HERC2: variants seen among roughly 807,000 people sequenced by gnomAD.
HERC2 encodes E3 ubiquitin-protein ligase HERC2.
HERC2 carries 102 observed loss-of-function variants against 537.7 expected under a neutral mutation model. That is an observed-to-expected ratio of 0.19 (90% confidence interval 0.16 to 0.22). The LOEUF (loss-of-function observed/expected upper bound fraction) is 0.22, where lower values mean the gene tolerates loss of function less well. HERC2 is among the 10% of genes least tolerant of loss of function. The pLI is 1.00. For missense variants in HERC2, 4,236 were observed against 6,198.2 expected (o/e 0.68, Z 10.63); for synonymous variants, 2,224 against 2,466.2 (o/e 0.90, Z 2.91).
Position 28,213,620 on chromosome 15 carries a change from C to T in HERC2, c.6786+122G>A, listed in dbSNP as rs909763751. On this transcript the variant is annotated intron_variant, in intron 42 of 92. Transcript: ENST00000261609. ...ACCACAGAAGCACAAGCTCACACAG[C>T]TTCCTGGAAGGCAAACTTCAAGTAC... 8 of 1,538,346 alleles carry T rather than the reference C, an allele frequency of 5.2e-6. No homozygotes were observed. In the Admixed American group the frequency reaches 1.6e-4, roughly 30 times the overall value.
At chr15:28,269,910 T>C (rs1024032725) in intron 10 of HERC2, among the ~76,000 whole-genome samples, 2 of 152,236 alleles carry the variant, frequency 1.3e-5, no homozygotes, top group African/African-American at 4.8e-5. Context: ...CGTGCACACA[T>C]GGAGGACACA....
intron 4 of HERC2, among the ~76,000 whole-genome samples, chr15:28,288,959 T>C (rs1429182970): frequency 6.6e-6 from 1 of 151,916 alleles, no homozygotes; most frequent in Non-Finnish European, 1.5e-5. Flanking sequence ...TTATACCATG[T>C]TTCACTTGGA....
chr15:28,273,414 C>T (rs573350202), intron 7 of HERC2, among the ~76,000 whole-genome samples: 9 of 152,294 alleles, frequency 5.9e-5, no homozygotes, highest in African/African-American at 2.2e-4. Flanking sequence ...AATCTGGAGG[C>T]AAAATGTCAA....
At chr15:28,286,731 G>T (rs1488871487) in intron 4 of HERC2, among the ~76,000 whole-genome samples, 3 of 152,170 alleles carry the variant, frequency 2.0e-5, no homozygotes, top group African/African-American at 7.2e-5. Flanking sequence ...GATTTAGATA[G>T]TTACTAAGAG....
intron 88 of HERC2, 66 bp downstream of exon 88, chr15:28,116,599 G>T: frequency 7.2e-7 from 1 of 1,395,204 alleles, no homozygotes; most frequent in Non-Finnish European, 9.8e-7. Flanking sequence ...CAAACAGATA[G>T]TACATTTTAA....
At chr15:28,197,093 T>C (rs1414671304) in intron 50 of HERC2, among the ~76,000 whole-genome samples, 1 of 152,196 alleles carries the variant, frequency 6.6e-6, no homozygotes, top group Non-Finnish European at 1.5e-5. Context: ...CAAAGAAAAA[T>C]GTTTAAAGTA....
intron 45 of HERC2, chr15:28,203,358 T>C (rs1423972397): frequency 6.7e-6 from 1 of 149,652 alleles, no homozygotes; most frequent in African/African-American, 2.5e-5. Context: ...AGCCCCCCGG[T>C]GCTCAGGAAG....
intron 38 of HERC2, among the ~76,000 whole-genome samples, chr15:28,216,139 G>C (rs981664760): frequency 2.6e-5 from 4 of 151,954 alleles, no homozygotes; most frequent in African/African-American, 9.7e-5. Context: ...AACCTTCTAA[G>C]TATGTGTAGT....
chr15:28,186,530 G>A (rs1896323829), intron 56 of HERC2, 47 bp downstream of exon 56: 1 of 1,504,930 alleles, frequency 6.6e-7, no homozygotes, highest in East Asian at 2.3e-5. Context: ...TGAGGATCCA[G>A]GAATGTAGCG....
rs767056818 is a variant in HERC2, at chr15:28,257,041, A to G, written c.2517+20T>C. 3 of 1,600,706 alleles carry G rather than the reference A, an allele frequency of 1.9e-6. No individual in the cohort carries two copies. The South Asian group carries it at 3.3e-5, about 18-fold the overall frequency. On this transcript the variant is annotated intron_variant, in intron 17 of 92. Coordinates refer to ENST00000261609, the MANE Select transcript of HERC2 (RefSeq NM_004667.6). ...TAAGACACTTACAAAAGGAGGAAGAAGAAGGGAAATCATGAATACCTGAAG... is the reference window on the plus strand; with the variant it reads ...TAAGACACTTACAAAAGGAGGAAGAGGAAGGGAAATCATGAATACCTGAAG...
rs368370323 is a variant in HERC2, at chr15:28,220,413, T to C, written c.5845+39A>G. 1.3e-5 allele frequency: 20 copies of C among 1,583,214 alleles called. No individual in the cohort carries two copies. The African/African-American group carries it at 1.7e-4, about 14-fold the overall frequency. On this transcript the variant is annotated intron_variant, in intron 37 of 92. Coordinates refer to ENST00000261609, the MANE Select transcript of HERC2 (RefSeq NM_004667.6). The stretch of plus-strand genomic sequence containing the variant: ...TGGCAGCCAGCACCTGGACAGTTTG[T>C]GGGCTGCCTTGGACTAAACACCTTC...
In HERC2 at chr15:28,260,983, A is replaced by G. The variant is rs2075400763; in HGVS notation, c.2123-13T>C. Reference sequence around the variant, plus strand: ...ATCACCTTCTTCCCTACAAGGGAAGAGGGATGCAGATGCAGCTTCAAGCCT... The same window carrying G: ...ATCACCTTCTTCCCTACAAGGGAAGGGGGATGCAGATGCAGCTTCAAGCCT... On this transcript the variant is annotated splice_polypyrimidine_tract_variant and intron_variant, in intron 15 of 92. Coordinates refer to ENST00000261609, the MANE Select transcript of HERC2 (RefSeq NM_004667.6). 3.7e-6 allele frequency: 6 copies of G among 1,604,022 alleles called. No individual in the cohort carries two copies. In the East Asian group the frequency reaches 1.3e-4, roughly 36 times the overall value.
intron 83 of HERC2, among the ~76,000 whole-genome samples, chr15:28,126,593 G>A (rs907545857): frequency 4.6e-5 from 7 of 152,196 alleles, no homozygotes; most frequent in African/African-American, 1.7e-4. Flanking sequence ...ACCTGGATGG[G>A]ACTAGAGACC....
At chr15:28,301,007 T>C (rs2076608645) in intron 2 of HERC2, among the ~76,000 whole-genome samples, 2 of 151,816 alleles carry the variant, frequency 1.3e-5, no homozygotes, top group African/African-American at 4.8e-5. Flanking sequence ...GCACCCAGAT[T>C]TTGGTCTCTC....
chr15:28,195,247 C>A (rs916387542), intron 52 of HERC2, among the ~76,000 whole-genome samples: 1 of 152,004 alleles, frequency 6.6e-6, no homozygotes, highest in African/African-American at 2.4e-5. Context: ...ATAACATATG[C>A]ACTCCTTATA....
chr15:28,293,097 C>T (rs2076363514), intron 3 of HERC2, 75 bp from the exon 4 acceptor site: 1 of 1,380,258 alleles, frequency 7.2e-7, no homozygotes, highest in African/African-American at 1.5e-5. Context: ...AAATGTCCCT[C>T]CCCGAAAAGT....
chr15:28,188,525 C>T (rs1333824509), intron 55 of HERC2, among the ~76,000 whole-genome samples: 2 of 146,866 alleles, frequency 1.4e-5, no homozygotes, highest in East Asian at 3.9e-4. Flanking sequence ...GCCTGGGTGA[C>T]AGAGTGAGAC....
At chr15:28,282,710 G>A (rs2076050986) in intron 4 of HERC2, among the ~76,000 whole-genome samples, 1 of 152,144 alleles carries the variant, frequency 6.6e-6, no homozygotes, top group African/African-American at 2.4e-5. Context: ...GAGGCAGGCG[G>A]ATCACAAGGT....
At chr15:28,112,985 T>A in intron 92 of HERC2, 86 bp downstream of exon 92, 1 of 1,056,636 alleles carries the variant, frequency 9.5e-7, no homozygotes, top group African/African-American at 1.6e-5. Context: ...TCGTTTTCCA[T>A]GTGCTGCAGG....
Sources: allele counts gnomAD v4.1 joint callset (sites outside exome capture counted in the v4.1 genomes callset), GRCh38; gene constraint gnomAD v4.1.1; transcripts MANE v1.5; gene names NCBI Gene and HGNC (gene_info 2026-07-23, HGNC 2026-07-21).